Variants in SP6 observed in about 807,000 individuals in gnomAD.
The protein encoded by SP6 is transcription factor Sp6.
Under a neutral mutation model 23.4 loss-of-function variants are expected in SP6, and 10 were observed. The ratio of observed to expected loss-of-function variants is 0.43; its 90% CI spans 0.26 to 0.72. The LOEUF (loss-of-function observed/expected upper bound fraction) is 0.72, where lower values mean the gene tolerates loss of function less well. Ranked by LOEUF, SP6 falls within the 30% of genes least tolerant of loss-of-function variation. SP6 has a pLI of 0.23. For missense variants in SP6, 482 were observed against 523.8 expected, an observed-to-expected ratio of 0.92 and a Z score of 0.78; for synonymous variants, 238 against 238.7, an observed-to-expected ratio of 1.00 and a Z score of 0.03.
At chr17:47,861,910 G>A in the SP6 span, among the ~76,000 whole-genome samples, 1 of 151,624 alleles carries the variant, frequency 6.6e-6, no homozygotes, top group South Asian at 2.1e-4. Context: ...GTTGGGCATG[G>A]TGAGGGTGCC....
rs2033915770 is a variant in SP6 at position 47,848,182 on chromosome 17, C to T, written c.248G>A (p.Ser83Asn). The T allele has an allele frequency of 6.8e-6, 11 of 1,613,138 alleles. No individual in the cohort carries two copies. The highest frequency in any genetic ancestry group is 1.3e-5 in the African/African-American group (1 of 74,936). Residue 83 changes from serine to asparagine, a missense_variant, in exon 2 of 2, where the codon AGC (serine) becomes AAC (asparagine). Around this residue, in one of 3 missense-constraint regions of SP6, gnomAD observed 330 missense variants for 332.3 expected, o/e 0.99. Coordinates refer to ENST00000536300, the MANE Select transcript of SP6 (RefSeq NM_001258248.2). The surrounding 1 kb of genome is among the most constrained non-coding windows in gnomAD (Gnocchi z 5.3). ...SSRVTCEDLE[S>N]DSPLAPGPFS... ...GGGGCCCGGGGCCAAGGGACTGTCG[C>T]TTTCCAGGTCCTCGCAGGTTACCCG... is the stretch of plus-strand genomic sequence containing the variant.
the SP6 span, among the ~76,000 whole-genome samples, chr17:47,862,367 G>A: frequency 6.6e-6 from 1 of 151,386 alleles, no homozygotes; most frequent in African/African-American, 2.4e-5. Context: ...AAAAAATTGG[G>A]TGTGGTGGCA....
chr17:47,847,923 A>T lies in SP6; in HGVS notation c.507T>A (p.His169Gln). Residue 169 changes from histidine (H) to glutamine (Q), a missense_variant, in exon 2 of 2, where the codon CAT becomes CAA. This residue lies in a region of SP6 where 330 missense variants were observed against 332.3 expected (regional missense o/e 0.99). Transcript: ENST00000536300. The stretch of plus-strand genomic sequence containing the variant: ...CGGCAGCTGGAAGGAGGTGGTGCGC[A>T]TGCGGGTGGGGTGGCGGGGCACAAA... ...HQLCAPPPHP[H>Q]AHHLLPAAGG... 2.6e-6 allele frequency: 4 copies of T among 1,567,316 alleles called. No homozygotes were observed. The highest frequency in any genetic ancestry group is 3.5e-6 in the Non-Finnish European group (4 of 1,156,126).
At chr17:47,851,805 G>A (rs1053007379), upstream of SP6, among the ~76,000 whole-genome samples, 3 of 149,294 alleles carry the variant, frequency 2.0e-5, no homozygotes, top group Non-Finnish European at 3.0e-5. Context: ...TCTCCCTTCC[G>A]GGGTATCCCT....
chr17:47,863,562 T>TTA, the SP6 span: 1 of 42,614 alleles, frequency 2.3e-5, no homozygotes, highest in Non-Finnish European at 3.9e-5. Flanking sequence ...ACTGGACTTC[T>TTA]TCTTCTTTTT....
chr17:47,867,498 A>G, the SP6 span, among the ~76,000 whole-genome samples: 1 of 152,200 alleles, frequency 6.6e-6, no homozygotes, highest in South Asian at 2.1e-4. Flanking sequence ...TTTTGGTGGC[A>G]GGAACATTAA....
the SP6 span, among the ~76,000 whole-genome samples, chr17:47,866,593 G>A: frequency 1.3e-5 from 2 of 152,192 alleles, no homozygotes; most frequent in African/African-American, 4.8e-5. Context: ...ATTGGCTGCC[G>A]GACCGGAGTA....
the SP6 span, among the ~76,000 whole-genome samples, chr17:47,866,654 T>C: frequency 1.4e-4 from 22 of 152,010 alleles, no homozygotes; most frequent in African/African-American, 4.6e-4. Flanking sequence ...CGCGGCCTGA[T>C]GGGAGATGGA....
At chr17:47,863,001 G>A in the SP6 span, among the ~76,000 whole-genome samples, 5 of 152,392 alleles carry the variant, frequency 3.3e-5, no homozygotes, top group East Asian at 1.9e-4. Context: ...TTAGAGACAC[G>A]AAGTTTGTTG....
At chr17:47,864,517 T>A in the SP6 span, 6 of 149,888 alleles carry the variant, frequency 4.0e-5, no homozygotes, top group East Asian at 2.0e-4. Context: ...GATCCTCCCA[T>A]ATTGGCCTCC....
At chr17:47,866,871 C>T in the SP6 span, among the ~76,000 whole-genome samples, 4 of 152,056 alleles carry the variant, frequency 2.6e-5, no homozygotes, top group African/African-American at 4.8e-5. Context: ...AGATGGAAAG[C>T]GACTGCCCCT....
the SP6 span, among the ~76,000 whole-genome samples, chr17:47,871,903 C>T: frequency 6.6e-6 from 1 of 152,156 alleles, no homozygotes; most frequent in Non-Finnish European, 1.5e-5. Context: ...TTACAGGCGT[C>T]AGCCACCGCG....
the SP6 span, chr17:47,865,128 C>A: frequency 1.3e-5 from 2 of 152,280 alleles, no homozygotes; most frequent in South Asian, 2.1e-4. Context: ...GAATTCGTTT[C>A]GCTCTTGTGA....
At chr17:47,863,808 G>A in the SP6 span, among the ~76,000 whole-genome samples, 2 of 143,026 alleles carry the variant, frequency 1.4e-5, no homozygotes, top group South Asian at 2.2e-4. Flanking sequence ...GCGCGATCTC[G>A]GCTCACTGCA....
At chr17:47,852,255 G>A (rs2033964983), upstream of SP6, among the ~76,000 whole-genome samples, 1 of 152,108 alleles carries the variant, frequency 6.6e-6, no homozygotes, top group South Asian at 2.1e-4. Context: ...CGCGCTCGCG[G>A]AGCTCACAAA....
Position 47,847,188 on chromosome 17 carries a change from G to T in SP6, c.*111C>A. The T allele has an allele frequency of 8.5e-7, 1 of 1,171,376 alleles. No homozygotes were observed. Among genetic ancestry groups the T allele is most frequent in the South Asian group, 1.6e-5 (1 of 62,070 alleles). The allele number at this position is 1,171,376 out of a possible 1,614,324, so 72.6% of individuals were successfully genotyped here. ...CCCTGCACCACTTTTCCTCCTCCCT[G>T]AATAAATACGCACCTTCCCCTCTTC... On this transcript the variant is annotated 3_prime_UTR_variant, in exon 2 of 2. Transcript: ENST00000536300.
chr17:47,851,040 C>CGGCGGGT lies in SP6; in HGVS notation c.-180_-179insACCCGCC, dbSNP rs1048669529. ...GCAGGAGCCCAGGGCGAGCCAGACC[C>CGGCGGGT]GGCGGCTGGCGGCAGGCGGCAGGCG... On this transcript the variant is annotated 5_prime_UTR_variant, in exon 1 of 2. Transcript: ENST00000536300. The CGGCGGGT allele has an allele frequency of 6.5e-6, 1 of 153,046 alleles. No individual in the cohort carries two copies. The highest frequency in any genetic ancestry group is 2.4e-5 in the African/African-American group (1 of 41,450). The allele number at this position is 153,046 out of a possible 1,614,324, so 9.5% of individuals were successfully genotyped here.
upstream of SP6, among the ~76,000 whole-genome samples, chr17:47,857,845 C>A (rs2034009259): frequency 6.6e-6 from 1 of 152,078 alleles, no homozygotes; most frequent in Admixed American, 6.5e-5. Flanking sequence ...AGCTGAAGAC[C>A]CAGTGGGGCT....
chr17:47,860,558 G>A (rs903237991), upstream of SP6, among the ~76,000 whole-genome samples: 4 of 152,096 alleles, frequency 2.6e-5, no homozygotes, highest in East Asian at 5.8e-4. Context: ...AGAGGTTGGT[G>A]AGTTCTCTAT....
Sources: gnomAD v4.1 joint callset for allele counts (sites outside exome capture counted in the v4.1 genomes callset) on GRCh38, gnomAD v4.1.1 for gene constraint, gnomAD v4.1.1 regional missense constraint, Gnocchi (gnomAD v3.1) non-coding constraint, MANE v1.5 for transcripts, NCBI Gene and HGNC (gene_info 2026-07-23, HGNC 2026-07-21) for gene names.